Variants in RUNX1 observed in about 807,000 individuals in gnomAD.
RUNX1 encodes the protein RUNX family transcription factor 1, also known as runt-related transcription factor 1.
RUNX1 carries 19 observed loss-of-function variants against 42.8 expected under a neutral mutation model. That is an observed-to-expected ratio of 0.44 (90% CI 0.31 to 0.65). RUNX1 has a LOEUF of 0.65. RUNX1 is among the 30% of genes least tolerant of loss of function. RUNX1 has a pLI of 0.07. For missense variants in RUNX1, 528 were observed against 672.0 expected, an observed-to-expected ratio of 0.79 and a Z score of 2.37; for synonymous variants, 271 against 289.4, an observed-to-expected ratio of 0.94 and a Z score of 0.64.
rs115615122 is a variant in RUNX1, at chr21:34,995,111, A to G, written c.58+53731T>C. On this transcript the variant is annotated intron_variant, in intron 2 of 8. Transcript: ENST00000675419. ...CAATGGATGCCAAGCAGGCTGTGCC[A>G]TGTTGGGGGACTGAGGGGTGGGGAC... Among the ~76,000 whole-genome samples, 623 of 152,312 alleles carry G rather than the reference A, an allele frequency of 4.1e-3. 5 individuals are homozygous for G. Among genetic ancestry groups the G allele is most frequent in the African/African-American group, 0.014 (596 of 41,574 alleles).
chr21:34,814,140 G>A (rs1474363871), intron 7 of RUNX1, among the ~76,000 whole-genome samples: 1 of 152,210 alleles, frequency 6.6e-6, no homozygotes, highest in Admixed American at 6.5e-5. Flanking sequence ...CCTGAGCTTG[G>A]TGAGATGGAC....
At chr21:34,844,809 G>A (rs1319355091) in intron 6 of RUNX1, among the ~76,000 whole-genome samples, 4 of 152,228 alleles carry the variant, frequency 2.6e-5, no homozygotes, top group Non-Finnish European at 5.9e-5. Flanking sequence ...TCCTGTCACA[G>A]ACGCCAACTG....
At chr21:34,867,916 T>C (rs943173575) in intron 5 of RUNX1, among the ~76,000 whole-genome samples, 5 of 152,152 alleles carry the variant, frequency 3.3e-5, no homozygotes, top group African/African-American at 1.2e-4. Context: ...ACAGGGCAAG[T>C]GACCAAAGTG....
intron 5 of RUNX1, among the ~76,000 whole-genome samples, chr21:34,865,154 C>T (rs2146266949): frequency 6.6e-6 from 1 of 152,138 alleles, no homozygotes; most frequent in Admixed American, 6.5e-5. Flanking sequence ...CAGTAAATGT[C>T]AGTGGAATGA....
rs77541533 is a variant in RUNX1 at position 34,911,718 on chromosome 21, A to G, written c.59-18755T>C. ...AGAATTCCAGGCCCTGGAGGAAACC[A>G]GCCCAGCCCATCACCTAGACCTGGG... On this transcript the variant is annotated intron_variant, in intron 2 of 8. Transcript: ENST00000675419. Among the ~76,000 whole-genome samples, 1,181 of 152,238 alleles carry G rather than the reference A, an allele frequency of 7.8e-3. 5 individuals carry two copies. Among genetic ancestry groups the G allele is most frequent in the African/African-American group, 0.02 (837 of 41,518 alleles).
chr21:34,890,839 C>T (rs1195310247), intron 3 of RUNX1, among the ~76,000 whole-genome samples: 1 of 151,880 alleles, frequency 6.6e-6, no homozygotes, highest in Non-Finnish European at 1.5e-5. Flanking sequence ...GGTTCGGACG[C>T]GGCCCGCTCT....
chr21:34,831,804 A>G (rs1019944262), intron 7 of RUNX1, among the ~76,000 whole-genome samples: 22 of 152,112 alleles, frequency 1.4e-4, no homozygotes, highest in African/African-American at 5.1e-4. Flanking sequence ...TTGGCTGAAC[A>G]AGACTTGCAT....
At chr21:34,898,034 G>C (rs2058144354) in intron 2 of RUNX1, among the ~76,000 whole-genome samples, 1 of 152,156 alleles carries the variant, frequency 6.6e-6, no homozygotes, top group Non-Finnish European at 1.5e-5. Context: ...GTAGCTAGAA[G>C]ACAGAGCAGG....
chr21:34,834,478 G>T lies in RUNX1; in HGVS notation c.737C>A (p.Thr246Lys), dbSNP rs555366994. 1 of 1,612,982 alleles carries T rather than the reference G, an allele frequency of 6.2e-7. No individual in the cohort carries two copies. The highest frequency in any genetic ancestry group is 8.5e-7 in the Non-Finnish European group (1 of 1,179,366). Residue 246 changes from threonine (T) to lysine (K), a missense_variant, in exon 7 of 9, where the codon ACG becomes AAG. This residue lies in a region of RUNX1 where 331 missense variants were observed against 382.5 expected (regional missense o/e 0.87). Coordinates refer to ENST00000675419, the MANE Select transcript of RUNX1 (RefSeq NM_001754.5). ...GTTCAGGGAGGCACGAGGGTTGGGCGTGGGGGCTGGGTGGTGTGGGCTGAC... is the reference window on the plus strand; with the variant it reads ...GTTCAGGGAGGCACGAGGGTTGGGCTTGGGGGCTGGGTGGTGTGGGCTGAC... ...MRVSPHHPAP[T>K]PNPRASLNHS... is the part of the protein sequence containing the mutation.
chr21:34,806,639 A>C (rs957331039), intron 7 of RUNX1, among the ~76,000 whole-genome samples: 1 of 152,236 alleles, frequency 6.6e-6, no homozygotes, highest in African/African-American at 2.4e-5. Context: ...GATCTAATTA[A>C]CATTTATGGA....
intron 6 of RUNX1, among the ~76,000 whole-genome samples, chr21:34,848,726 C>T (rs763179428): frequency 6.6e-6 from 1 of 152,136 alleles, no homozygotes. Flanking sequence ...TGAGCTACCG[C>T]GCCCAGCCCC....
chr21:35,028,579 C>A (rs2059252850), intron 2 of RUNX1, among the ~76,000 whole-genome samples: 1 of 152,224 alleles, frequency 6.6e-6, no homozygotes. Context: ...CTTTCCTGGT[C>A]TGCCACTGCT....
rs545585960 is a variant in RUNX1, at chr21:34,893,783, TA to T, written c.59-821del. ...ATTTAGTATGCTGTTTTTTTTTTTT[TA>T]AAAAAAAACCTTTAAAATAAGAGGA... On this transcript the variant is annotated intron_variant, in intron 2 of 8. Transcript: ENST00000675419. 3.6e-3 allele frequency among the ~76,000 whole-genome samples: 539 copies of T among 149,094 alleles called. 1 individual carries two copies. Among genetic ancestry groups the T allele is most frequent in the South Asian group, 8.4e-3 (40 of 4,748 alleles).
intron 2 of RUNX1, among the ~76,000 whole-genome samples, chr21:34,899,773 G>A (rs1310279578): frequency 6.6e-6 from 1 of 152,228 alleles, no homozygotes; most frequent in African/African-American, 2.4e-5. Flanking sequence ...CCCGGTTGCA[G>A]CCAGCAGCTT....
At chr21:34,914,270 A>C (rs2058294803) in intron 2 of RUNX1, among the ~76,000 whole-genome samples, 1 of 152,228 alleles carries the variant, frequency 6.6e-6, no homozygotes, top group South Asian at 2.1e-4. Context: ...GAGGATTCCC[A>C]TCAACAATGC....
intron 2 of RUNX1, among the ~76,000 whole-genome samples, chr21:34,964,290 C>T (rs1195229293): frequency 1.3e-5 from 2 of 151,992 alleles, no homozygotes; most frequent in African/African-American, 4.8e-5. Context: ...AGATCGAGAC[C>T]ATCCTGGCTA....
chr21:35,048,031 T>C (rs147299074), intron 2 of RUNX1, among the ~76,000 whole-genome samples: 1 of 152,366 alleles, frequency 6.6e-6, no homozygotes, highest in Non-Finnish European at 1.5e-5. Context: ...GTTTCAAAAA[T>C]GGAGACAGGT....
intron 2 of RUNX1, among the ~76,000 whole-genome samples, chr21:34,947,048 ACTCT>A (rs949282400): frequency 6.6e-6 from 1 of 151,380 alleles, no homozygotes; most frequent in African/African-American, 2.4e-5. Flanking sequence ...TAGTCATAAC[ACTCT>A]CTCCCTCTTC....
chr21:34,880,071 C>T (rs2057872023), intron 5 of RUNX1, among the ~76,000 whole-genome samples: 1 of 152,168 alleles, frequency 6.6e-6, no homozygotes, highest in Non-Finnish European at 1.5e-5. Context: ...GGTAAGCTTG[C>T]TTGAAACCAT....
Sources: gnomAD v4.1 joint callset for allele counts (sites outside exome capture counted in the v4.1 genomes callset) on GRCh38, gnomAD v4.1.1 for gene constraint, gnomAD v4.1.1 regional missense constraint, MANE v1.5 for transcripts, NCBI Gene and HGNC (gene_info 2026-07-23, HGNC 2026-07-21) for gene names.